Variants in PUM2 observed in about 807,000 individuals in gnomAD.
The protein encoded by PUM2 is pumilio homolog 2.
A neutral mutation model predicts 124.5 loss-of-function variants in PUM2; 57 were observed. The observed-to-expected ratio is 0.46, with a 90% confidence interval of 0.37 to 0.57. The LOEUF (loss-of-function observed/expected upper bound fraction) is 0.57. Among genes scored for constraint, PUM2 ranks in the 20% least tolerant of loss-of-function variants. The pLI is 0.00. For synonymous variants in PUM2, 460 were observed against 446.1 expected, an observed-to-expected ratio of 1.03 and a Z score of -0.39; for missense variants, 1,065 against 1,290.6, an observed-to-expected ratio of 0.83 and a Z score of 2.68.
chr2:20,270,167 T>C (rs576561444), intron 13 of PUM2, among the ~76,000 whole-genome samples: 2 of 152,340 alleles, frequency 1.3e-5, no homozygotes, highest in East Asian at 1.9e-4. Flanking sequence ...AGTAGCCTAA[T>C]AGGAACCTGT....
rs1674167670 is a variant in PUM2 at position 20,291,806 on chromosome 2, T to C, written c.1153-1016A>G. ...CTCTGAACTGCTCTTTCAGTTACCTTTGATAAAGAAAGGGCATTGTTTGTC... is the reference window on the plus strand; with the variant it reads ...CTCTGAACTGCTCTTTCAGTTACCTCTGATAAAGAAAGGGCATTGTTTGTC... On this transcript the variant is annotated intron_variant, in intron 9 of 20. Transcript: ENST00000361078. 2.0e-5 allele frequency among the ~76,000 whole-genome samples: 3 copies of C among 152,102 alleles called. No homozygotes were observed. The South Asian group carries it at 6.2e-4, about 31-fold the overall frequency.
chr2:20,338,323 G>A lies in PUM2; in HGVS notation c.-18-10945C>T, dbSNP rs555041479. On this transcript the variant is annotated intron_variant, in intron 1 of 20. Transcript: ENST00000361078. ...GAGGCAAGAGAATCGCTTGAACCCA[G>A]GAGGCGGAGGTTGCAGTGAGCCGAG... Among the ~76,000 whole-genome samples the A allele has an allele frequency of 2.8e-4, 43 of 152,256 alleles. 1 individual carries two copies. In the South Asian group the frequency reaches 8.9e-3, roughly 32 times the overall value.
chr2:20,251,531 C>CA lies in PUM2; in HGVS notation c.*53dup. 2 of 1,534,722 alleles carry CA rather than the reference C, an allele frequency of 1.3e-6. No individual in the cohort carries two copies. The highest frequency in any genetic ancestry group is 8.8e-7 in the Non-Finnish European group (1 of 1,133,870). Reference sequence around the variant, plus strand: ...GAGTTGTGTTTTGATAATTCACACACAAAAAAATTCTTTTCACATGGTTAA... The same window carrying CA: ...GAGTTGTGTTTTGATAATTCACACACAAAAAAAATTCTTTTCACATGGTTAA... On this transcript the variant is annotated 3_prime_UTR_variant, in exon 21 of 21. Transcript: ENST00000361078.
rs554105910 is a variant in PUM2, at chr2:20,250,460, C to G, written c.*1125G>C. ...AGCATGAAGGTTTACAAATGTACACCTGTACAACCAAGGAAAGCATCACTA... is the reference window on the plus strand; with the variant it reads ...AGCATGAAGGTTTACAAATGTACACGTGTACAACCAAGGAAAGCATCACTA... On this transcript the variant is annotated 3_prime_UTR_variant, in exon 21 of 21. Transcript: ENST00000361078. 6.6e-6 allele frequency: 1 copy of G among 152,584 alleles called. No homozygotes were observed. The highest frequency in any genetic ancestry group is 2.4e-5 in the African/African-American group (1 of 41,540). 9.5% of individuals were successfully genotyped at this position (152,584 alleles called of 1,614,324 possible). A position where few individuals can be genotyped will look rare whatever the true frequency, so the allele number is the denominator to read the frequency against.
intron 2 of PUM2, 72 bp from the exon 3 acceptor site, chr2:20,318,717 A>T (rs1014060343): frequency 2.8e-6 from 3 of 1,052,894 alleles, no homozygotes; most frequent in Non-Finnish European, 4.3e-6. Flanking sequence ...AGTCTCAAAC[A>T]TATCACTGCT....
At chr2:20,292,629 T>C (rs1157194179) in intron 9 of PUM2, among the ~76,000 whole-genome samples, 1 of 152,084 alleles carries the variant, frequency 6.6e-6, no homozygotes, top group Admixed American at 6.5e-5. Context: ...AAAATTAGAT[T>C]TTATTAAAAT....
intron 13 of PUM2, among the ~76,000 whole-genome samples, chr2:20,276,639 C>T (rs1010622092): frequency 9.2e-5 from 14 of 151,914 alleles, no homozygotes; most frequent in East Asian, 3.9e-4. Context: ...GCATCATGAT[C>T]CATTCATAGG....
chr2:20,349,407 C>T (rs1688865844), intron 1 of PUM2, among the ~76,000 whole-genome samples: 1 of 152,098 alleles, frequency 6.6e-6, no homozygotes, highest in African/African-American at 2.4e-5. Context: ...TAAAGAAATT[C>T]TTGCAGCACG....
intron 9 of PUM2, among the ~76,000 whole-genome samples, chr2:20,291,228 C>G (rs1673993050): frequency 6.6e-6 from 1 of 152,200 alleles, no homozygotes; most frequent in South Asian, 2.1e-4. Context: ...GTCCTGCCAC[C>G]TTGTGGAAGA....
chr2:20,309,392 C>G (rs181272299), intron 5 of PUM2, among the ~76,000 whole-genome samples: 7 of 146,976 alleles, frequency 4.8e-5, no homozygotes, highest in Admixed American at 2.7e-4. Flanking sequence ...TTTATCAAAA[C>G]TTAAGTATAC....
At chr2:20,352,060 G>A (rs1195697203), upstream of PUM2, 1 of 152,122 alleles carries the variant, frequency 6.6e-6, no homozygotes, top group Non-Finnish European at 1.5e-5. Context: ...CTCTTGTACT[G>A]TCTCTGTAAT....
intron 1 of PUM2, among the ~76,000 whole-genome samples, chr2:20,349,234 C>A (rs945573746): frequency 6.6e-6 from 1 of 152,160 alleles, no homozygotes; most frequent in African/African-American, 2.4e-5. Context: ...ATAGCTAGAC[C>A]TGTAAACAAA....
rs1662881845 is a variant in PUM2, at chr2:20,249,850, T to C, written c.*1735A>G. On this transcript the variant is annotated 3_prime_UTR_variant, in exon 21 of 21. Coordinates refer to ENST00000361078, the MANE Select transcript of PUM2 (RefSeq NM_015317.5). ...ATACACAGCAAGTTTTTTTCCAAAA[T>C]ATTTTCATAGGCAAAGGATTAAAAA... is the stretch of plus-strand genomic sequence containing the variant. The C allele has an allele frequency of 6.6e-6, 1 of 152,652 alleles. No individual in the cohort carries two copies. The highest frequency in any genetic ancestry group is 1.5e-5 in the Non-Finnish European group (1 of 68,028). The allele number at this position is 152,652 out of a possible 1,614,324, so 9.5% of individuals were successfully genotyped here. A position where few individuals can be genotyped will look rare whatever the true frequency, so the allele number is the denominator to read the frequency against.
At chr2:20,283,778 T>C (rs1672101768) in intron 10 of PUM2, among the ~76,000 whole-genome samples, 1 of 151,668 alleles carries the variant, frequency 6.6e-6, no homozygotes, top group Admixed American at 6.6e-5. Flanking sequence ...GGGCTGATAT[T>C]AGAAAAAAAA....
intron 13 of PUM2, among the ~76,000 whole-genome samples, chr2:20,273,074 T>C (rs1669408391): frequency 6.6e-6 from 1 of 152,226 alleles, no homozygotes; most frequent in African/African-American, 2.4e-5. Context: ...GGGTACCTTA[T>C]AAGCATGGTG....
intron 14 of PUM2, among the ~76,000 whole-genome samples, chr2:20,261,290 C>G (rs189462476): frequency 6.8e-6 from 1 of 147,904 alleles, no homozygotes. Context: ...ACTCAGGAGG[C>G]TGAGGCAGGA....
At chr2:20,339,014 G>C (rs1261924722) in intron 1 of PUM2, among the ~76,000 whole-genome samples, 1 of 152,058 alleles carries the variant, frequency 6.6e-6, no homozygotes, top group Non-Finnish European at 1.5e-5. Flanking sequence ...TTATAGTCAT[G>C]TTAACTTGGA....
chr2:20,291,751 T>C (rs1674151014), intron 9 of PUM2, among the ~76,000 whole-genome samples: 1 of 152,126 alleles, frequency 6.6e-6, no homozygotes, highest in Admixed American at 6.5e-5. Context: ...TTGCCTCACA[T>C]GCTGCCATAT....
Position 20,283,459 on chromosome 2 carries a change from T to A in PUM2, c.1319A>T (p.Tyr440Phe). 1 of 1,613,878 alleles carries A rather than the reference T, an allele frequency of 6.2e-7. No individual in the cohort carries two copies. The highest frequency in any genetic ancestry group is 1.1e-5 in the South Asian group (1 of 91,082). Residue 440 changes from tyrosine (Y) to phenylalanine (F), a missense_variant, in exon 11 of 21, where the codon TAT becomes TTT. Physicochemically the swap from Tyr to Phe is conservative, Grantham distance 22 (BLOSUM62 3). Transcript: ENST00000361078. ...CACTAAGGCACCAGTCTGATCATAA[T>A]AGGCAGTTGGAGCTAGTACTTGATA... ...PGYQVLAPTA[Y>F]YDQTGALVVG...
Sources: gnomAD v4.1 joint callset for allele counts (sites outside exome capture counted in the v4.1 genomes callset) on GRCh38, gnomAD v4.1.1 for gene constraint, MANE v1.5 for transcripts, NCBI Gene and HGNC (gene_info 2026-07-23, HGNC 2026-07-21) for gene names.